CDC42BPB: variants seen among roughly 807,000 people sequenced by gnomAD.
CDC42BPB encodes the protein serine/threonine-protein kinase MRCK beta.
In CDC42BPB, 37 loss-of-function variants were observed where a neutral mutation model predicts 214.9. The observed-to-expected ratio is 0.17, with a 90% CI of 0.13 to 0.23. The LOEUF is 0.23. Ranked by LOEUF, CDC42BPB falls within the 10% of genes least tolerant of loss-of-function variation. The pLI, the probability that CDC42BPB is intolerant of heterozygous loss-of-function variation, is 1.00. For synonymous variants in CDC42BPB, 931 were observed against 884.0 expected (o/e 1.05, Z -0.94); for missense variants, 1,694 against 2,227.0 (o/e 0.76, Z 4.82).
At position 102,941,550 on chromosome 14, in the gene CDC42BPB, G is replaced by C. The variant is rs547358224; in HGVS notation, c.4409-1226C>G. The C allele has an allele frequency of 3.1e-5, 31 of 985,426 alleles. No individual in the cohort carries two copies. In the South Asian group the frequency reaches 1.3e-3, roughly 42 times the overall value. 61.0% of individuals were successfully genotyped at this position (985,426 alleles called of 1,614,324 possible). ...GCAGCCCCAGACACTGCCCTTCAGGGAACCACTCTCCACACGGGCTTCTGG... is the reference window on the plus strand; with the variant it reads ...GCAGCCCCAGACACTGCCCTTCAGGCAACCACTCTCCACACGGGCTTCTGG... On this transcript the variant is annotated intron_variant, in intron 30 of 36. Transcript: ENST00000361246.
At chr14:102,994,763 C>T (rs1242862954) in intron 5 of CDC42BPB, among the ~76,000 whole-genome samples, 2 of 152,214 alleles carry the variant, frequency 1.3e-5, no homozygotes, top group African/African-American at 4.8e-5. Context: ...CTTCCTCTGA[C>T]ACTGAAAAGG....
intron 30 of CDC42BPB, among the ~76,000 whole-genome samples, chr14:102,940,935 T>A (rs1891863839): frequency 6.6e-6 from 1 of 152,184 alleles, no homozygotes; most frequent in Admixed American, 6.5e-5. Flanking sequence ...AGCTCTGGGG[T>A]CCGCGCTGTG....
intron 18 of CDC42BPB, among the ~76,000 whole-genome samples, chr14:102,965,068 GA>G (rs1349450398): frequency 1.3e-5 from 2 of 152,086 alleles, no homozygotes; most frequent in African/African-American, 4.8e-5. Context: ...CAGTAGCTGG[GA>G]TTACAGGTGC....
intron 21 of CDC42BPB, among the ~76,000 whole-genome samples, 158 bp downstream of exon 21, chr14:102,959,473 C>A (rs1420447590): frequency 2.0e-5 from 3 of 152,038 alleles, no homozygotes; most frequent in East Asian, 1.9e-4. Flanking sequence ...GGGTTGATTA[C>A]ATGTGGGTCA....
chr14:103,045,204 A>C (rs1384138716), intron 1 of CDC42BPB, among the ~76,000 whole-genome samples: 1 of 152,134 alleles, frequency 6.6e-6, no homozygotes, highest in Non-Finnish European at 1.5e-5. Flanking sequence ...GTGCTGTGGC[A>C]AGGGAGTTCT....
chr14:103,018,137 C>T (rs768136712), intron 1 of CDC42BPB, among the ~76,000 whole-genome samples: 1 of 152,176 alleles, frequency 6.6e-6, no homozygotes, highest in Non-Finnish European at 1.5e-5. Flanking sequence ...CAATAGGGTT[C>T]GTGCTCCTAT....
chr14:102,978,364 T>C (rs552178201), intron 8 of CDC42BPB, 159 bp from the exon 9 acceptor site: 3 of 984,260 alleles, frequency 3.0e-6, no homozygotes, highest in Admixed American at 6.1e-5. Flanking sequence ...GAGATGAGTA[T>C]AGCAGATCTG....
rs34830106 is a variant in CDC42BPB at position 102,964,672 on chromosome 14, T to C, written c.2578-22A>G. On this transcript the variant is annotated intron_variant, in intron 18 of 36. Coordinates refer to ENST00000361246, the MANE Select transcript of CDC42BPB (RefSeq NM_006035.4). ...GGTCCTTGAGACACGGTCATGGCGTTAAAAATGCATTTTCAGTTATCCGCT... is the reference window on the plus strand; with the variant it reads ...GGTCCTTGAGACACGGTCATGGCGTCAAAAATGCATTTTCAGTTATCCGCT... The C allele has an allele frequency of 4.8e-4, 755 of 1,579,854 alleles. 4 individuals carry two copies. In the East Asian group the frequency reaches 0.013, roughly 28 times the overall value.
intron 5 of CDC42BPB, among the ~76,000 whole-genome samples, chr14:102,987,559 A>G (rs35073821): frequency 4.7e-4 from 72 of 152,090 alleles, no homozygotes; most frequent in Non-Finnish European, 9.0e-4. Flanking sequence ...ACCACACCCC[A>G]ATGAAAACAG....
chr14:102,995,958 G>A (rs1249080774), intron 5 of CDC42BPB, among the ~76,000 whole-genome samples: 2 of 152,208 alleles, frequency 1.3e-5, no homozygotes, highest in East Asian at 3.8e-4. Flanking sequence ...TGAATAATGA[G>A]TTAATTTGGG....
rs770798082 is a variant in CDC42BPB at position 102,980,787 on chromosome 14, C to T, written c.1126G>A (p.Val376Met). The T allele has an allele frequency of 2.7e-5, 44 of 1,614,016 alleles. No homozygotes were observed. The highest frequency in any genetic ancestry group is 3.5e-5 in the Non-Finnish European group (41 of 1,180,008). ...TTCACACTCACCGTGTTTCTCAGCA[C>T]GTCGTCATCCACGTCGAAGTTGGAT... The part of the protein sequence containing the change: ...DTSNFDVDDD[V>M]LRNTEILPPG... The change falls in exon 8 of 37, where the codon GTG becomes ATG. Residue 376 changes from valine (V) to methionine (M), a missense_variant. Transcript: ENST00000361246.
chr14:102,966,533 CG>C, intron 17 of CDC42BPB, 146 bp from the exon 18 acceptor site: 2 of 1,434,134 alleles, frequency 1.4e-6, no homozygotes, highest in Non-Finnish European at 1.8e-6. Context: ...GTTGTATACA[CG>C]GGATCTCATT....
intron 1 of CDC42BPB, among the ~76,000 whole-genome samples, chr14:103,020,720 G>A (rs191476681): frequency 3.6e-4 from 55 of 152,342 alleles, no homozygotes; most frequent in African/African-American, 1.3e-3. Flanking sequence ...TGGCCCGCAC[G>A]TGGCAGGGAA....
At chr14:103,018,118 C>T (rs1886567390) in intron 1 of CDC42BPB, among the ~76,000 whole-genome samples, 1 of 152,180 alleles carries the variant, frequency 6.6e-6, no homozygotes, top group Non-Finnish European at 1.5e-5. Flanking sequence ...CCCTCAAATA[C>T]ACAGTTCACA....
rs79736466 is a variant in CDC42BPB, at chr14:102,975,562, A to C, written c.1507+122T>G. 1.3e-3 allele frequency: 1,328 copies of C among 1,060,792 alleles called. 30 individuals carry two copies. In the East Asian group the frequency reaches 0.028, roughly 23 times the overall value. The allele number at this position is 1,060,792 out of a possible 1,614,324, so 65.7% of individuals were successfully genotyped here. A position where few individuals can be genotyped will look rare whatever the true frequency, so the allele number is the denominator to read the frequency against. On this transcript the variant is annotated intron_variant, in intron 11 of 36. Coordinates refer to ENST00000361246, the MANE Select transcript of CDC42BPB (RefSeq NM_006035.4). The stretch of plus-strand genomic sequence containing the variant: ...GACCAAAATTTGAGAACTCTAAATA[A>C]GCTTGCTAAAGCCTAAGCTTTTTTT...
chr14:103,017,382 A>T (rs572941019), intron 1 of CDC42BPB, among the ~76,000 whole-genome samples: 1 of 152,156 alleles, frequency 6.6e-6, no homozygotes, highest in African/African-American at 2.4e-5. Context: ...TATAAAATTT[A>T]AAAATCTGAT....
intron 1 of CDC42BPB, among the ~76,000 whole-genome samples, chr14:103,016,931 C>G (rs530436430): frequency 6.6e-6 from 1 of 152,276 alleles, no homozygotes; most frequent in South Asian, 2.1e-4. Flanking sequence ...AGCTCCAGAG[C>G]TGGGTCAGGA....
chr14:102,977,788 C>A (rs191693991), intron 9 of CDC42BPB, among the ~76,000 whole-genome samples: 3 of 152,294 alleles, frequency 2.0e-5, no homozygotes, highest in East Asian at 1.9e-4. Context: ...TGGGAGAAAT[C>A]CTGCCCGAGG....
chr14:102,977,326 G>A (rs915395596), intron 9 of CDC42BPB, among the ~76,000 whole-genome samples: 3 of 124,392 alleles, frequency 2.4e-5, no homozygotes, highest in African/African-American at 5.9e-5. Context: ...GCGACAGAGC[G>A]AGACTCCGTC....
Sources: gnomAD v4.1 joint callset for allele counts (sites outside exome capture counted in the v4.1 genomes callset) on GRCh38, gnomAD v4.1.1 for gene constraint, MANE v1.5 for transcripts, NCBI Gene and HGNC (gene_info 2026-07-23, HGNC 2026-07-21) for gene names.